The following DOCK1 variants were observed in gnomAD, a reference collection of about 807,000 sequenced individuals.
DOCK1 encodes the protein dedicator of cytokinesis 1, also known as dedicator of cytokinesis protein 1.
A neutral mutation model predicts 262.7 loss-of-function variants in DOCK1; 138 were observed. That is an observed-to-expected ratio of 0.53 (90% CI 0.46 to 0.61). DOCK1 has a LOEUF of 0.61. DOCK1 is among the 20% of genes least tolerant of loss of function. The pLI is 0.00. For missense variants in DOCK1, 1,908 were observed against 2,370.7 expected, an observed-to-expected ratio of 0.80 and a Z score of 4.05; for synonymous variants, 866 against 867.4, an observed-to-expected ratio of 1.00 and a Z score of 0.03.
chr10:127,411,883 C>T (rs1311538470), intron 43 of DOCK1, among the ~76,000 whole-genome samples: 2 of 152,300 alleles, frequency 1.3e-5, no homozygotes, highest in East Asian at 1.9e-4. Flanking sequence ...ACATCTGCCC[C>T]TTGTTGCAAA....
intron 1 of DOCK1, among the ~76,000 whole-genome samples, chr10:126,905,973 G>T (rs2030707642): frequency 1.3e-5 from 2 of 152,116 alleles, no homozygotes; most frequent in African/African-American, 4.8e-5. Context: ...GGCGGCTTCT[G>T]CTTCTTGGAT....
intron 29 of DOCK1, among the ~76,000 whole-genome samples, chr10:127,260,928 T>G (rs577954692): frequency 0.021 from 2,813 of 136,884 alleles, 200 homozygotes; most frequent in African/African-American, 0.079. Context: ...TGCATGTGGG[T>G]GTGTGTGTGT....
chr10:127,168,548 CTGT>C (rs1347911596), intron 27 of DOCK1, among the ~76,000 whole-genome samples: 1 of 152,216 alleles, frequency 6.6e-6, no homozygotes, highest in Non-Finnish European at 1.5e-5. Context: ...ACTGCAGAGG[CTGT>C]TGAGAGACTG....
At position 127,018,819 on chromosome 10, in the gene DOCK1, G is replaced by A. The variant is rs376371867; in HGVS notation, c.1311G>A (p.Pro437=). 2.5e-5 allele frequency: 40 copies of A among 1,613,740 alleles called. No individual in the cohort carries two copies. Among genetic ancestry groups the A allele is most frequent in the Non-Finnish European group, 3.1e-5 (36 of 1,179,832 alleles). ...TTAVARKTGF[P]EIIMPGDVRN... ...CTGTGGCTCGAAAAACAGGGTTTCC[G>A]GAGATAATCATGCCTGGTAAGAACT... is the stretch of plus-strand genomic sequence containing the variant. Residue 437 remains proline, a synonymous_variant, in exon 13 of 52, where the codon CCG becomes CCA. Coordinates refer to ENST00000623213, the MANE Select transcript of DOCK1 (RefSeq NM_001290223.2).
At chr10:126,934,070 G>A (rs2034377123) in intron 1 of DOCK1, among the ~76,000 whole-genome samples, 1 of 151,976 alleles carries the variant, frequency 6.6e-6, no homozygotes, top group African/African-American at 2.4e-5. Flanking sequence ...CCTCCTCTTG[G>A]CCTCCCAAAG....
chr10:126,979,126 G>T (rs9733352), intron 3 of DOCK1, among the ~76,000 whole-genome samples: 1 of 151,960 alleles, frequency 6.6e-6, no homozygotes, highest in Non-Finnish European at 1.5e-5. Flanking sequence ...GTGACCTATA[G>T]CCTTGAAGTT....
Position 126,996,535 on chromosome 10 carries a change from A to AT in DOCK1, c.474-190dup, listed in dbSNP as rs10538924. On this transcript the variant is annotated intron_variant, in intron 6 of 51. Coordinates refer to ENST00000623213, the MANE Select transcript of DOCK1 (RefSeq NM_001290223.2). Reference sequence around the variant, plus strand: ...ATTGCAATGGAAATAAAAATTGAGGATTTTTTTTTTTTTTTTTTTTTTTAC... The same window carrying AT: ...ATTGCAATGGAAATAAAAATTGAGGATTTTTTTTTTTTTTTTTTTTTTTTAC... Among the ~76,000 whole-genome samples the AT allele has an allele frequency of 5.6e-3, 760 of 136,188 alleles. 4 individuals are homozygous for AT. The highest frequency in any genetic ancestry group is 0.014 in the African/African-American group (523 of 36,480). 89.3% of individuals were successfully genotyped at this position (136,188 alleles called of 152,430 possible).
chr10:127,187,094 G>A (rs1589841294), intron 27 of DOCK1, among the ~76,000 whole-genome samples: 1 of 152,312 alleles, frequency 6.6e-6, no homozygotes, highest in East Asian at 1.9e-4. Context: ...GCCCAGGCTC[G>A]GGCAGGCACC....
rs889426589 is a variant in DOCK1 at position 126,937,589 on chromosome 10, T to G, written c.46+32026T>G. On this transcript the variant is annotated intron_variant, in intron 1 of 51. Transcript: ENST00000623213. The stretch of plus-strand genomic sequence containing the variant: ...TGGTATCTTACTGTCCTTTTGATTT[T>G]CATTTTCTTAAGGGTTAGTGATGTT... 7.2e-3 allele frequency among the ~76,000 whole-genome samples: 1,095 copies of G among 152,188 alleles called. 15 individuals are homozygous for G. The highest frequency in any genetic ancestry group is 0.024 in the African/African-American group (1,014 of 41,522).
chr10:127,414,005 G>C (rs1162219793), intron 43 of DOCK1, among the ~76,000 whole-genome samples: 1 of 151,970 alleles, frequency 6.6e-6, no homozygotes, highest in Admixed American at 6.6e-5. Context: ...TCCGCCTCCC[G>C]AGTTCAAGCG....
At chr10:127,342,443 C>T (rs1181848036) in intron 30 of DOCK1, among the ~76,000 whole-genome samples, 2 of 152,128 alleles carry the variant, frequency 1.3e-5, no homozygotes, top group Non-Finnish European at 2.9e-5. Flanking sequence ...TTGGGCTGGT[C>T]TCTAAATCTC....
intron 1 of DOCK1, among the ~76,000 whole-genome samples, chr10:126,911,298 G>A (rs983525253): frequency 5.9e-5 from 9 of 152,180 alleles, no homozygotes; most frequent in East Asian, 1.9e-4. Context: ...GGGAGCCAGC[G>A]TGCAGCTCCC....
intron 1 of DOCK1, among the ~76,000 whole-genome samples, chr10:126,944,491 A>T (rs1471995474): frequency 1.3e-5 from 2 of 152,074 alleles, no homozygotes; most frequent in African/African-American, 4.8e-5. Flanking sequence ...AAGCCTCCAG[A>T]GATGACCTGT....
chr10:127,249,430 TATACAC>T (rs68003754), intron 28 of DOCK1, among the ~76,000 whole-genome samples: 59,770 of 132,046 alleles, frequency 0.45, 11,793 homozygotes, highest in Admixed American at 0.49. Context: ...TACATATATA[TATACAC>T]ACACACACAC....
intron 33 of DOCK1, among the ~76,000 whole-genome samples, chr10:127,364,499 G>A (rs2064787541): frequency 1.3e-5 from 2 of 152,120 alleles, no homozygotes; most frequent in Non-Finnish European, 2.9e-5. Context: ...CTGAGTAGCT[G>A]GGATTACAGG....
In DOCK1 at chr10:127,061,702, G is replaced by C; in HGVS notation, c.2371G>C (p.Glu791Gln). The stretch of plus-strand genomic sequence containing the variant: ...AAACAAGGGAGAGGCTGACTTCGTG[G>C]AATCTTTGCTGCAGCTCTTCAGGTC... ...YENKGEADFV[E>Q]SLLQLFRSIN... Residue 791 changes from glutamate (E) to glutamine (Q), a missense_variant, in exon 23 of 52, where the codon GAA (glutamate) becomes CAA (glutamine). Physicochemically the swap from Glu to Gln is conservative, Grantham distance 29. Coordinates refer to ENST00000623213, the MANE Select transcript of DOCK1 (RefSeq NM_001290223.2). The C allele has an allele frequency of 1.2e-6, 2 of 1,600,568 alleles. No individual in the cohort carries two copies. Among genetic ancestry groups the C allele is most frequent in the Non-Finnish European group, 1.7e-6 (2 of 1,173,480 alleles).
At chr10:127,154,051 A>G (rs1287763798) in intron 27 of DOCK1, 1 of 678,290 alleles carries the variant, frequency 1.5e-6, no homozygotes, top group Non-Finnish European at 2.7e-6. Context: ...TGATTAATGC[A>G]TGCTTCCCAG....
intron 29 of DOCK1, among the ~76,000 whole-genome samples, chr10:127,303,735 C>G (rs1000687205): frequency 6.6e-6 from 1 of 151,986 alleles, no homozygotes; most frequent in African/African-American, 2.4e-5. Flanking sequence ...GGTGTGTGCC[C>G]GTAGTCCCAG....
At chr10:127,096,037 A>C (rs943654219) in intron 23 of DOCK1, among the ~76,000 whole-genome samples, 1 of 152,230 alleles carries the variant, frequency 6.6e-6, no homozygotes, top group Non-Finnish European at 1.5e-5. Flanking sequence ...GCTTTAAGGA[A>C]GCTGATTACA....
Sources: gnomAD v4.1 joint callset for allele counts (sites outside exome capture counted in the v4.1 genomes callset) on GRCh38, gnomAD v4.1.1 for gene constraint, MANE v1.5 for transcripts, NCBI Gene and HGNC (gene_info 2026-07-23, HGNC 2026-07-21) for gene names.